Variants in ERICH6B observed in about 807,000 individuals in gnomAD.
ERICH6B encodes the protein glutamate-rich protein 6B.
In ERICH6B, 69 loss-of-function variants were observed where a neutral mutation model predicts 80.0. That is an observed-to-expected ratio of 0.86 (90% CI 0.71 to 1.05). The LOEUF is 1.05. ERICH6B is among the 50% of genes least tolerant of loss of function. ERICH6B has a pLI of 0.00. For missense variants in ERICH6B, 754 were observed against 796.1 expected (o/e 0.95, Z 0.64); for synonymous variants, 283 against 291.9 (o/e 0.97, Z 0.31).
chr13:45,596,110 T>C (rs922095712), intron 3 of ERICH6B, among the ~76,000 whole-genome samples: 8 of 152,202 alleles, frequency 5.3e-5, no homozygotes, highest in African/African-American at 1.9e-4. Flanking sequence ...GGCTATTGTA[T>C]TATAGTTGTG....
intron 7 of ERICH6B, among the ~76,000 whole-genome samples, chr13:45,575,280 G>A (rs190696324): frequency 2.3e-4 from 35 of 152,376 alleles, no homozygotes; most frequent in African/African-American, 8.4e-4. Flanking sequence ...ATGAACATTT[G>A]CCGCACATTC....
chr13:45,605,052 C>T (rs966352168), intron 2 of ERICH6B, among the ~76,000 whole-genome samples: 1 of 152,120 alleles, frequency 6.6e-6, no homozygotes, highest in African/African-American at 2.4e-5. Context: ...CCCTGAGACC[C>T]GGCCCCTGGA....
chr13:45,586,991 T>C, intron 5 of ERICH6B, 72 bp downstream of exon 5: 2 of 1,444,388 alleles, frequency 1.4e-6, no homozygotes, highest in East Asian at 2.5e-5. Context: ...ATATTTCACA[T>C]GCACAAAACC....
chr13:45,542,250 C>T (rs985983602), intron 14 of ERICH6B, among the ~76,000 whole-genome samples: 7 of 152,190 alleles, frequency 4.6e-5, no homozygotes, highest in Admixed American at 1.3e-4. Flanking sequence ...CATTCGTATG[C>T]GTATGAAATG....
At chr13:45,561,618 G>A (rs1190756736) in intron 10 of ERICH6B, 92 bp from the exon 11 acceptor site, 1 of 1,410,620 alleles carries the variant, frequency 7.1e-7, no homozygotes. Flanking sequence ...GCCAAAGGGA[G>A]TTTGAGGGTT....
chr13:45,595,571 T>G (rs1324037262), intron 3 of ERICH6B, among the ~76,000 whole-genome samples: 1 of 151,896 alleles, frequency 6.6e-6, no homozygotes, highest in Non-Finnish European at 1.5e-5. Flanking sequence ...GAAGATATAA[T>G]CAAAAGTGTG....
rs755203349 is a variant in ERICH6B at position 45,581,802 on chromosome 13, T to C, written c.857-1137A>G. ...GGTACAAAAACAAAAACTTGTGTTG[T>C]GGCCTGTGGCGTTAAGAGGACTTTG... On this transcript the variant is annotated intron_variant, in intron 5 of 14. Transcript: ENST00000298738. Among the ~76,000 whole-genome samples, 118 of 152,230 alleles carry C rather than the reference T, an allele frequency of 7.8e-4. 1 individual carries two copies. The highest frequency in any genetic ancestry group is 1.4e-3 in the Non-Finnish European group (98 of 68,044).
rs181891745 is a variant in ERICH6B, at chr13:45,561,400, C to T, written c.1376G>A (p.Arg459Gln). The T allele has an allele frequency of 5.7e-5, 89 of 1,552,334 alleles. No individual in the cohort carries two copies. The highest frequency in any genetic ancestry group is 5.6e-4 in the African/African-American group (41 of 73,176). ...RVVHHRKKLE[R>Q]DKEWIQKKTV... ...CTTCTTCTGTATCCATTCCTTATCTCGTTCTAATTTCTTCCTATGATGAAC... is the reference window on the plus strand; with the variant it reads ...CTTCTTCTGTATCCATTCCTTATCTTGTTCTAATTTCTTCCTATGATGAAC... Residue 459 changes from arginine to glutamine, a missense_variant, in exon 11 of 15, where the codon CGA becomes CAA. Physicochemically the swap from Arg to Gln is conservative, Grantham distance 43. Coordinates refer to ENST00000298738, the MANE Select transcript of ERICH6B (RefSeq NM_182542.3).
At position 45,587,122 on chromosome 13, in the gene ERICH6B, A is replaced by T. The variant is rs1875940819; in HGVS notation, c.797T>A (p.Leu266Gln). Residue 266 changes from leucine (L) to glutamine (Q), a missense_variant, in exon 5 of 15, where the codon CTG becomes CAG. By Grantham distance (113) the Leu-to-Gln change is moderately radical (BLOSUM62 -2). Coordinates refer to ENST00000298738, the MANE Select transcript of ERICH6B (RefSeq NM_182542.3). ...ESATESSELL[L>Q]TLYRRSQASQ... ...GGCCTGGCTCCTCCTGTACAATGTC[A>T]GAAGCAACTCAGAAGACTCTGTGGC... is the stretch of plus-strand genomic sequence containing the variant. 2 of 1,551,732 alleles carry T rather than the reference A, an allele frequency of 1.3e-6. No individual in the cohort carries two copies. The highest frequency in any genetic ancestry group is 1.7e-6 in the Non-Finnish European group (2 of 1,146,990).
intron 2 of ERICH6B, among the ~76,000 whole-genome samples, chr13:45,602,441 A>G (rs1949832701): frequency 6.6e-6 from 1 of 152,218 alleles, no homozygotes; most frequent in Non-Finnish European, 1.5e-5. Context: ...GCAGTCCAGA[A>G]GTCCTCGGAT....
At chr13:45,549,067 T>G (rs764808720) in intron 13 of ERICH6B, among the ~76,000 whole-genome samples, 2 of 152,136 alleles carry the variant, frequency 1.3e-5, no homozygotes. Flanking sequence ...ATGGATCACC[T>G]GAGGTCAGGA....
At chr13:45,596,020 TAAC>T (rs953972830) in intron 3 of ERICH6B, among the ~76,000 whole-genome samples, 12 of 152,222 alleles carry the variant, frequency 7.9e-5, no homozygotes, top group African/African-American at 2.9e-4. Context: ...AAGATACAAA[TAAC>T]AATTATTATT....
At chr13:45,550,355 T>C (rs1397196057) in intron 11 of ERICH6B, 39 bp from the exon 12 acceptor site, 1 of 1,502,762 alleles carries the variant, frequency 6.7e-7, no homozygotes. Flanking sequence ...GTGTGAAAAG[T>C]ACATGGGTAC....
intron 2 of ERICH6B, among the ~76,000 whole-genome samples, chr13:45,604,940 CAAG>C (rs929165208): frequency 5.3e-5 from 8 of 152,082 alleles, no homozygotes; most frequent in Admixed American, 2.0e-4. Flanking sequence ...AAACCAAATC[CAAG>C]AAGGTTTGGA....
intron 7 of ERICH6B, 95 bp downstream of exon 7, chr13:45,579,838 G>T: frequency 8.0e-7 from 1 of 1,243,822 alleles, no homozygotes; most frequent in Non-Finnish European, 1.2e-6. Context: ...GGTCATGCTG[G>T]ATCAGAGAGG....
chr13:45,550,689 G>A (rs544383731), intron 11 of ERICH6B, among the ~76,000 whole-genome samples: 18 of 152,176 alleles, frequency 1.2e-4, no homozygotes, highest in African/African-American at 4.3e-4. Context: ...TCCTTCTAGA[G>A]GTTTTGAGGA....
In ERICH6B at chr13:45,541,507, C is replaced by T. The variant is rs1361187498; in HGVS notation, c.2046G>A (p.Met682Ile). The change falls in exon 15 of 15, where the codon ATG becomes ATA. Residue 682 changes from methionine to isoleucine, a missense_variant. Coordinates refer to ENST00000298738, the MANE Select transcript of ERICH6B (RefSeq NM_182542.3). The stretch of plus-strand genomic sequence containing the variant: ...GCATCTTCTTCAGGTACTTGTTGTC[C>T]ATCAGTGATATACTGACGGCCTCTA... The part of the protein sequence containing the change: ...NFIEAVSISL[M>I]DNKYLKKMLS... 6.4e-7 allele frequency: 1 copy of T among 1,552,168 alleles called. No homozygotes were observed. The highest frequency in any genetic ancestry group is 1.4e-5 in the African/African-American group (1 of 73,150).
At chr13:45,575,167 G>C (rs767864121) in intron 7 of ERICH6B, among the ~76,000 whole-genome samples, 12 of 152,228 alleles carry the variant, frequency 7.9e-5, no homozygotes, top group Non-Finnish European at 1.3e-4. Context: ...AAGAAAGCAA[G>C]TGCATGTTCC....
chr13:45,548,281 G>A (rs1334754906), intron 13 of ERICH6B, among the ~76,000 whole-genome samples: 1 of 152,238 alleles, frequency 6.6e-6, no homozygotes, highest in African/African-American at 2.4e-5. Context: ...AAGGCACCAT[G>A]GAGAAGTCCT....
Sources: gnomAD v4.1 joint callset for allele counts (sites outside exome capture counted in the v4.1 genomes callset) on GRCh38, gnomAD v4.1.1 for gene constraint, MANE v1.5 for transcripts, NCBI Gene and HGNC (gene_info 2026-07-23, HGNC 2026-07-21) for gene names.